The following UGGT2 variants were observed in gnomAD, a reference collection of about 807,000 sequenced individuals.
The protein encoded by UGGT2 is UDP-glucose glycoprotein glucosyltransferase 2, also known as UDP-glucose:glycoprotein glucosyltransferase 2.
Under a neutral mutation model 192.1 loss-of-function variants are expected in UGGT2, and 180 were observed. That is an observed-to-expected ratio of 0.94 (90% CI 0.83 to 1.06). UGGT2 has a LOEUF of 1.06. UGGT2 is among the 50% of genes least tolerant of loss of function. The pLI is 0.00. For missense variants in UGGT2, 1,849 were observed against 1,795.7 expected (o/e 1.03, Z -0.54); for synonymous variants, 580 against 591.0 (o/e 0.98, Z 0.27).
intron 15 of UGGT2, among the ~76,000 whole-genome samples, chr13:95,945,586 A>C (rs563000817): frequency 5.8e-4 from 89 of 152,278 alleles, no homozygotes; most frequent in Non-Finnish European, 1.1e-3. Flanking sequence ...GAGATTCAAT[A>C]TTGATAATTA....
At chr13:95,859,050 T>C (rs144256780) in intron 33 of UGGT2, among the ~76,000 whole-genome samples, 1 of 152,202 alleles carries the variant, frequency 6.6e-6, no homozygotes, top group African/African-American at 2.4e-5. Context: ...AGAAACAGAG[T>C]ATACTTTGTA....
chr13:96,015,923 C>T lies in UGGT2; in HGVS notation c.486-2442G>A, dbSNP rs76450130. On this transcript the variant is annotated intron_variant, in intron 4 of 38. Transcript: ENST00000376747. ...GTATCACTCACTCAATATTTTTCAG[C>T]ATCTACTACATGGTAGGTGAACTTT... Among the ~76,000 whole-genome samples the T allele has an allele frequency of 5.9e-5, 9 of 152,292 alleles. No homozygotes were observed. In the East Asian group the frequency reaches 1.7e-3, roughly 29 times the overall value.
intron 36 of UGGT2, among the ~76,000 whole-genome samples, chr13:95,851,228 G>C (rs1032281164): frequency 2.0e-5 from 3 of 152,188 alleles, no homozygotes; most frequent in Non-Finnish European, 4.4e-5. Flanking sequence ...GGTGGAAGAG[G>C]AACAGAACTT....
At chr13:96,043,056 T>C (rs148698444) in intron 1 of UGGT2, among the ~76,000 whole-genome samples, 96 of 152,250 alleles carry the variant, frequency 6.3e-4, no homozygotes, top group Middle Eastern at 6.8e-3. Flanking sequence ...CCTAGGCACA[T>C]AGTCATCAGG....
At chr13:95,862,380 A>G (rs979562565) in intron 31 of UGGT2, among the ~76,000 whole-genome samples, 2 of 152,174 alleles carry the variant, frequency 1.3e-5, no homozygotes, top group African/African-American at 4.8e-5. Flanking sequence ...TTGGGTTCAA[A>G]TCTCTAAAAT....
In UGGT2 at chr13:95,801,590, T is replaced by A. The variant is rs1200708519; in HGVS notation, c.*200A>T. 3.9e-6 allele frequency: 2 copies of A among 511,498 alleles called. No individual in the cohort carries two copies. Among genetic ancestry groups the A allele is most frequent in the Non-Finnish European group, 6.7e-6 (2 of 299,228 alleles). The allele number at this position is 511,498 out of a possible 1,614,324, so 31.7% of individuals were successfully genotyped here. On this transcript the variant is annotated 3_prime_UTR_variant, in exon 39 of 39. Transcript: ENST00000376747. Reference sequence around the variant, plus strand: ...AAAGGAACAATCAGGTTTTAAATACTCAATGGTCATTTATTATATAACTTA... The same window carrying A: ...AAAGGAACAATCAGGTTTTAAATACACAATGGTCATTTATTATATAACTTA...
Position 95,825,150 on chromosome 13 carries a change from G to A in UGGT2, c.4528+7777C>T, listed in dbSNP as rs144428387. Among the ~76,000 whole-genome samples the A allele has an allele frequency of 3.2e-3, 485 of 152,228 alleles. 3 individuals carry two copies. Among genetic ancestry groups the A allele is most frequent in the African/African-American group, 0.011 (463 of 41,548 alleles). ...CTCCTATGGAATTGTAATGGCAGAG[G>A]TCTCTTGAAGCTTACCTCATTCCCC... is the stretch of plus-strand genomic sequence containing the variant. On this transcript the variant is annotated intron_variant, in intron 38 of 38. Transcript: ENST00000376747.
rs745406364 is a variant in UGGT2, at chr13:95,801,800, T to C, written c.4541A>G (p.Asp1514Gly). The change falls in exon 39 of 39, where the codon GAT becomes GGT. Residue 1514 changes from aspartate to glycine, a missense_variant. Coordinates refer to ENST00000376747, the MANE Select transcript of UGGT2 (RefSeq NM_020121.4). ...TCATATACACCAGTGCTAGAGTTCA[T>C]CATGTGTCAAAACTATAAGGGAGAA... ...NKKQDTILTH[D>G]EL 6.2e-7 allele frequency: 1 copy of C among 1,613,926 alleles called. No homozygotes were observed. The highest frequency in any genetic ancestry group is 1.1e-5 in the South Asian group (1 of 91,056).
At chr13:96,008,870 A>G (rs2052066950) in intron 5 of UGGT2, among the ~76,000 whole-genome samples, 1 of 152,238 alleles carries the variant, frequency 6.6e-6, no homozygotes, top group East Asian at 1.9e-4. Context: ...ACAGAATTAG[A>G]GAAAGCTATT....
chr13:95,945,802 C>G (rs1042787242), intron 15 of UGGT2, among the ~76,000 whole-genome samples: 5 of 152,076 alleles, frequency 3.3e-5, no homozygotes, highest in Admixed American at 1.3e-4. Context: ...TTCCATGGCA[C>G]TATTTTATAG....
intron 5 of UGGT2, among the ~76,000 whole-genome samples, chr13:96,008,295 A>G (rs1198113263): frequency 2.0e-5 from 3 of 152,192 alleles, no homozygotes; most frequent in Non-Finnish European, 4.4e-5. Flanking sequence ...CCATCTGACA[A>G]GGGATTAATA....
intron 22 of UGGT2, among the ~76,000 whole-genome samples, chr13:95,900,057 A>C (rs2048059111): frequency 6.6e-6 from 1 of 152,130 alleles, no homozygotes; most frequent in Non-Finnish European, 1.5e-5. Flanking sequence ...TTTTTACTTA[A>C]ACAATTTGTA....
At chr13:95,992,921 T>C (rs1469194405) in intron 7 of UGGT2, among the ~76,000 whole-genome samples, 5 of 152,164 alleles carry the variant, frequency 3.3e-5, no homozygotes, top group Non-Finnish European at 5.9e-5. Context: ...TTACTGGGTA[T>C]TCACCCAAAG....
At chr13:95,979,146 C>G (rs1330741828) in intron 10 of UGGT2, among the ~76,000 whole-genome samples, 1 of 152,078 alleles carries the variant, frequency 6.6e-6, no homozygotes, top group Non-Finnish European at 1.5e-5. Flanking sequence ...ACAATTCTTG[C>G]AATAAACAAC....
chr13:96,006,832 T>C (rs556090419), intron 5 of UGGT2, among the ~76,000 whole-genome samples: 8 of 151,680 alleles, frequency 5.3e-5, no homozygotes, highest in Non-Finnish European at 8.8e-5. Context: ...AAGGGAGAAA[T>C]ATGCCTCAGG....
intron 5 of UGGT2, among the ~76,000 whole-genome samples, chr13:96,012,642 A>G (rs1311026642): frequency 6.6e-6 from 1 of 152,112 alleles, no homozygotes; most frequent in African/African-American, 2.4e-5. Flanking sequence ...TAGTATATAA[A>G]TCTTAATAAT....
chr13:95,937,273 T>G (rs2049497614), intron 16 of UGGT2, among the ~76,000 whole-genome samples, 185 bp from the exon 17 acceptor site: 1 of 152,216 alleles, frequency 6.6e-6, no homozygotes, highest in Non-Finnish European at 1.5e-5. Flanking sequence ...GTCAAAAAAC[T>G]TTTTATGTAA....
chr13:95,884,754 A>T, intron 26 of UGGT2, 74 bp from the exon 27 acceptor site: 1 of 1,410,010 alleles, frequency 7.1e-7, no homozygotes, highest in Non-Finnish European at 9.5e-7. Flanking sequence ...TCAAAATTGA[A>T]AATTGCTTAA....
At chr13:95,962,211 A>G (rs2050416900) in intron 12 of UGGT2, among the ~76,000 whole-genome samples, 1 of 152,144 alleles carries the variant, frequency 6.6e-6, no homozygotes, top group Non-Finnish European at 1.5e-5. Context: ...TTAGCAGAAA[A>G]AAATAAATAA....
Sources: gnomAD v4.1 joint callset for allele counts (sites outside exome capture counted in the v4.1 genomes callset) on GRCh38, gnomAD v4.1.1 for gene constraint, MANE v1.5 for transcripts, NCBI Gene and HGNC (gene_info 2026-07-23, HGNC 2026-07-21) for gene names.